SIPA1L3: variants seen among roughly 807,000 people sequenced by gnomAD.
The protein encoded by SIPA1L3 is signal induced proliferation associated 1 like 3.
A neutral mutation model predicts 150.1 loss-of-function variants in SIPA1L3; 59 were observed. The ratio of observed to expected loss-of-function variants is 0.39; its 90% CI spans 0.32 to 0.49. The LOEUF (loss-of-function observed/expected upper bound fraction) is 0.49. Ranked by LOEUF, SIPA1L3 falls within the 20% of genes least tolerant of loss-of-function variation. The pLI is 0.86. For synonymous variants in SIPA1L3, 1,070 were observed against 1,077.6 expected, an observed-to-expected ratio of 0.99 and a Z score of 0.14; for missense variants, 2,211 against 2,489.5, an observed-to-expected ratio of 0.89 and a Z score of 2.38.
chr19:38,032,147 A>C (rs1214336446), intron 2 of SIPA1L3, among the ~76,000 whole-genome samples: 1 of 152,048 alleles, frequency 6.6e-6, no homozygotes, highest in Non-Finnish European at 1.5e-5. Flanking sequence ...ACATTTATTA[A>C]TTGGAACTCT....
At chr19:38,186,693 A>C (rs898971001) in intron 16 of SIPA1L3, among the ~76,000 whole-genome samples, 1 of 151,376 alleles carries the variant, frequency 6.6e-6, no homozygotes, top group African/African-American at 2.4e-5. Flanking sequence ...CATTTTAAAA[A>C]TCACAACCAA....
chr19:38,146,852 T>C (rs1473429667), intron 12 of SIPA1L3, among the ~76,000 whole-genome samples: 2 of 152,198 alleles, frequency 1.3e-5, no homozygotes, highest in East Asian at 1.9e-4. Context: ...TTGCCACCCC[T>C]GTATCCTCTT....
At chr19:38,095,663 G>A (rs1191085851) in intron 4 of SIPA1L3, among the ~76,000 whole-genome samples, 2 of 152,206 alleles carry the variant, frequency 1.3e-5, no homozygotes, top group Non-Finnish European at 2.9e-5. Context: ...AGGGAGACCT[G>A]GAGGAGGCTG....
chr19:38,174,443 TC>T (rs2146005932), intron 15 of SIPA1L3, among the ~76,000 whole-genome samples: 1 of 152,232 alleles, frequency 6.6e-6, no homozygotes, highest in South Asian at 2.1e-4. Context: ...TCAGGGCTCT[TC>T]CTCTGACTGC....
rs73930350 is a variant in SIPA1L3, at chr19:38,081,262, G to C, written c.-304G>C. 4 of 411,452 alleles carry C rather than the reference G, an allele frequency of 9.7e-6. No homozygotes were observed. Among genetic ancestry groups the C allele is most frequent in the Non-Finnish European group, 1.7e-5 (4 of 232,874 alleles). The allele number at this position is 411,452 out of a possible 1,614,324, so 25.5% of individuals were successfully genotyped here. On this transcript the variant is annotated 5_prime_UTR_variant, in exon 3 of 22. Transcript: ENST00000222345. The stretch of plus-strand genomic sequence containing the variant: ...TCCTTTTCTTCCATTTCAGCATGGC[G>C]AGGACAACATCCTTGCTGCCTCCAG...
At chr19:38,093,195 G>T (rs1970299814) in intron 4 of SIPA1L3, among the ~76,000 whole-genome samples, 1 of 152,094 alleles carries the variant, frequency 6.6e-6, no homozygotes, top group Non-Finnish European at 1.5e-5. Flanking sequence ...GTCAAGGGAG[G>T]CATCACTGGG....
chr19:37,925,264 C>A (rs1264641982), intron 1 of SIPA1L3, among the ~76,000 whole-genome samples: 1 of 152,106 alleles, frequency 6.6e-6, no homozygotes, highest in Non-Finnish European at 1.5e-5. Context: ...AAATGTGGTC[C>A]ATTGTTGACT....
chr19:37,960,903 C>T (rs1333502557), intron 1 of SIPA1L3, among the ~76,000 whole-genome samples: 2 of 151,778 alleles, frequency 1.3e-5, no homozygotes, highest in Non-Finnish European at 2.9e-5. Context: ...GAGTCTTGCT[C>T]TGTCACCCAG....
chr19:37,990,086 G>A (rs148359941), intron 1 of SIPA1L3, among the ~76,000 whole-genome samples: 50 of 152,210 alleles, frequency 3.3e-4, no homozygotes, highest in African/African-American at 1.1e-3. Flanking sequence ...CTTCTCTGGC[G>A]TTTCCTCTGT....
intron 16 of SIPA1L3, among the ~76,000 whole-genome samples, chr19:38,183,541 T>C (rs911531251): frequency 6.6e-6 from 1 of 152,054 alleles, no homozygotes; most frequent in Non-Finnish European, 1.5e-5. Flanking sequence ...GAAGGCACAG[T>C]AGCTCAATCC....
chr19:38,142,873 T>C (rs542880273), intron 12 of SIPA1L3, among the ~76,000 whole-genome samples, 163 bp downstream of exon 12: 1 of 152,044 alleles, frequency 6.6e-6, no homozygotes, highest in Non-Finnish European at 1.5e-5. Context: ...ATGTCTCAAG[T>C]TTTGGAGCAA....
chr19:38,113,650 C>CT (rs1185679691), intron 8 of SIPA1L3, among the ~76,000 whole-genome samples: 1 of 152,094 alleles, frequency 6.6e-6, no homozygotes, highest in Admixed American at 6.6e-5. Context: ...CATCACGTGG[C>CT]TGTTGCCTCC....
chr19:38,194,089 G>A (rs928284344), intron 18 of SIPA1L3, among the ~76,000 whole-genome samples: 1 of 152,154 alleles, frequency 6.6e-6, no homozygotes, highest in African/African-American at 2.4e-5. Flanking sequence ...GAATGGGGCT[G>A]CCCAGCTGTT....
intron 2 of SIPA1L3, among the ~76,000 whole-genome samples, chr19:38,073,823 G>A (rs1238165488): frequency 1.3e-5 from 2 of 152,174 alleles, no homozygotes; most frequent in African/African-American, 2.4e-5. Flanking sequence ...AACCTCGCAC[G>A]GAGTCCTAGG....
chr19:38,152,022 C>T (rs889740850), intron 12 of SIPA1L3, among the ~76,000 whole-genome samples: 1 of 151,696 alleles, frequency 6.6e-6, no homozygotes, highest in African/African-American at 2.4e-5. Flanking sequence ...CAGTGAGAGC[C>T]TTCTACCACC....
At chr19:38,104,071 C>T (rs1233103432) in intron 6 of SIPA1L3, among the ~76,000 whole-genome samples, 1 of 152,034 alleles carries the variant, frequency 6.6e-6, no homozygotes, top group African/African-American at 2.4e-5. Flanking sequence ...TTTTCGTCAG[C>T]TGGGAGTGAG....
chr19:38,035,018 C>T (rs1451485085), intron 2 of SIPA1L3, among the ~76,000 whole-genome samples: 1 of 152,156 alleles, frequency 6.6e-6, no homozygotes, highest in Non-Finnish European at 1.5e-5. Context: ...GACCTTCAGA[C>T]CCCAGAGTGG....
At chr19:38,052,518 T>A (rs561000844) in intron 2 of SIPA1L3, among the ~76,000 whole-genome samples, 1 of 152,352 alleles carries the variant, frequency 6.6e-6, no homozygotes, top group Admixed American at 6.5e-5. Context: ...CTGCCCCTGT[T>A]GGCTGAGCCT....
At chr19:38,157,712 C>T (rs1250207639) in intron 13 of SIPA1L3, among the ~76,000 whole-genome samples, 1 of 152,152 alleles carries the variant, frequency 6.6e-6, no homozygotes, top group African/African-American at 2.4e-5. Context: ...AGGATCAGGG[C>T]CTGCTGAGGG....
Sources: allele counts gnomAD v4.1 joint callset (sites outside exome capture counted in the v4.1 genomes callset), GRCh38; gene constraint gnomAD v4.1.1; transcripts MANE v1.5; gene names NCBI Gene and HGNC (gene_info 2026-07-23, HGNC 2026-07-21).